CDNF: variants seen among roughly 807,000 people sequenced by gnomAD.
CDNF encodes the protein cerebral dopamine neurotrophic factor.
In CDNF, 9 loss-of-function variants were observed where a neutral mutation model predicts 14.8. That is an observed-to-expected ratio of 0.61 (90% confidence interval 0.37 to 1.06). The LOEUF (loss-of-function observed/expected upper bound fraction) is 1.06, where lower values mean the gene tolerates loss of function less well. Among genes scored for constraint, CDNF ranks in the 50% least tolerant of loss-of-function variants. CDNF has a pLI of 0.01. For missense variants in CDNF, 228 were observed against 228.4 expected (o/e 1.00, Z 0.01); for synonymous variants, 86 against 87.2 (o/e 0.99, Z 0.07).
At chr10:14,835,250 T>A (rs775375022) in intron 1 of CDNF, among the ~76,000 whole-genome samples, 9 of 152,034 alleles carry the variant, frequency 5.9e-5, no homozygotes, top group Non-Finnish European at 1.2e-4. Flanking sequence ...GGAGGTAGGT[T>A]GGTTTGGGTT....
intron 3 of CDNF, among the ~76,000 whole-genome samples, chr10:14,823,052 A>G (rs1162942945): frequency 6.6e-6 from 1 of 152,244 alleles, no homozygotes; most frequent in Non-Finnish European, 1.5e-5. Context: ...TTTTTAAAGT[A>G]GAAACTTGCA....
intron 3 of CDNF, among the ~76,000 whole-genome samples, chr10:14,824,604 T>TCAAA (rs1833764015): frequency 1.3e-5 from 1 of 76,828 alleles, no homozygotes; most frequent in Non-Finnish European, 2.4e-5. Flanking sequence ...AGACTTCCCC[T>TCAAA]CAAAAAAAAA....
intron 3 of CDNF, among the ~76,000 whole-genome samples, chr10:14,824,225 T>G (rs1411867150): frequency 6.6e-6 from 1 of 152,208 alleles, no homozygotes; most frequent in African/African-American, 2.4e-5. Context: ...ACCCACTCAA[T>G]CTACCCAAAT....
chr10:14,837,999 G>C lies in CDNF; in HGVS notation c.-53C>G. 7.4e-7 allele frequency: 1 copy of C among 1,357,114 alleles called. No individual in the cohort carries two copies. Among genetic ancestry groups the C allele is most frequent in the Non-Finnish European group, 1.0e-6 (1 of 976,852 alleles). 84.1% of individuals were successfully genotyped at this position (1,357,114 alleles called of 1,614,324 possible). A position where few individuals can be genotyped will look rare whatever the true frequency, so the allele number is the denominator to read the frequency against. On this transcript the variant is annotated 5_prime_UTR_variant, in exon 1 of 4. Transcript: ENST00000465530. ...GCCACCCGCGCCCACCGCCCACCAAGCTGCCAAAGCGAGCTGAGCAGAATT... is the reference window on the plus strand; with the variant it reads ...GCCACCCGCGCCCACCGCCCACCAACCTGCCAAAGCGAGCTGAGCAGAATT...
rs770033243 is a variant in CDNF at position 14,828,252 on chromosome 10, G to A, written c.136C>T (p.Arg46Ter). The part of the protein sequence containing the change: ...DCEVCKEFLN[R>*]FYKSLIDRGV... ...CTGTCTATCAGTGACTTGTAGAATC[G>A]GTTCAAGAATTCTTTACATACTGGA... Residue 46 changes from arginine to a stop codon, truncating the protein, a stop_gained, in exon 2 of 4, where the codon CGA (arginine) becomes TGA (stop). Coordinates refer to ENST00000465530, the MANE Select transcript of CDNF (RefSeq NM_001029954.3). LOFTEE classifies it high-confidence loss of function. The A allele has an allele frequency of 3.7e-5, 60 of 1,613,362 alleles. No individual in the cohort carries two copies. The Middle Eastern group carries it at 8.3e-4, about 22-fold the overall frequency.
At chr10:14,824,328 G>A (rs986697026) in intron 3 of CDNF, among the ~76,000 whole-genome samples, 3 of 152,048 alleles carry the variant, frequency 2.0e-5, no homozygotes, top group African/African-American at 4.8e-5. Flanking sequence ...TCTCCTGGCC[G>A]GGCATGGTGG....
intron 1 of CDNF, among the ~76,000 whole-genome samples, chr10:14,828,806 A>T (rs979042523): frequency 6.6e-6 from 1 of 151,872 alleles, no homozygotes; most frequent in Non-Finnish European, 1.5e-5. Context: ...AGGAGTTTGG[A>T]GCCAGTCTGG....
intron 1 of CDNF, among the ~76,000 whole-genome samples, chr10:14,832,694 T>G (rs189894790): frequency 6.2e-4 from 95 of 152,150 alleles, no homozygotes; most frequent in African/African-American, 2.1e-3. Flanking sequence ...AAGCCAGATG[T>G]AATGTGTCAG....
Position 14,825,571 on chromosome 10 carries a change from T to G in CDNF, c.293A>C (p.Glu98Ala). The change falls in exon 3 of 4, where the codon GAA becomes GCA. Residue 98 changes from glutamate (E) to alanine (A), a missense_variant. Glu to Ala is a moderately radical substitution (Grantham distance 107). Transcript: ENST00000465530. Reference protein sequence around the residue: ...TKDAATKILSEVTRPMSVHMP... With the variant: ...TKDAATKILSAVTRPMSVHMP... ...ATGCACACTCATTGGGCGAGTGACT[T>G]CACTTAGGATCTTTGTGGCTGCGTC... 1.9e-6 allele frequency: 3 copies of G among 1,614,056 alleles called. No homozygotes were observed. Among genetic ancestry groups the G allele is most frequent in the Non-Finnish European group, 2.5e-6 (3 of 1,179,998 alleles).
chr10:14,836,679 C>G (rs1470393408), intron 1 of CDNF, among the ~76,000 whole-genome samples: 2 of 152,370 alleles, frequency 1.3e-5, no homozygotes, highest in East Asian at 3.9e-4. Flanking sequence ...CGCCTGTAAT[C>G]CCAGCACTTT....
In CDNF at chr10:14,819,888, T is replaced by A; in HGVS notation, c.*92A>T. ...ACAAAAAGCATGAGACCAAATATGATGCATTCCCAGTTATCCTTAATCAAC... is the reference window on the plus strand; with the variant it reads ...ACAAAAAGCATGAGACCAAATATGAAGCATTCCCAGTTATCCTTAATCAAC... On this transcript the variant is annotated 3_prime_UTR_variant, in exon 4 of 4. Coordinates refer to ENST00000465530, the MANE Select transcript of CDNF (RefSeq NM_001029954.3). 8.0e-7 allele frequency: 1 copy of A among 1,253,374 alleles called. No individual in the cohort carries two copies. The highest frequency in any genetic ancestry group is 1.1e-6 in the Non-Finnish European group (1 of 900,924). 77.6% of individuals were successfully genotyped at this position (1,253,374 alleles called of 1,614,324 possible).
At chr10:14,824,446 A>G (rs1833762523) in intron 3 of CDNF, among the ~76,000 whole-genome samples, 1 of 152,046 alleles carries the variant, frequency 6.6e-6, no homozygotes, top group African/African-American at 2.4e-5. Flanking sequence ...TCTCTAATAA[A>G]AATACAAAAA....
At chr10:14,825,317 G>A (rs1226044300) in intron 3 of CDNF, among the ~76,000 whole-genome samples, 162 bp downstream of exon 3, 2 of 152,080 alleles carry the variant, frequency 1.3e-5, no homozygotes, top group Admixed American at 6.6e-5. Context: ...TTCCCTCAAC[G>A]AAACTCAAAT....
Position 14,819,916 on chromosome 10 carries a change from G to T in CDNF, c.*64C>A. ...ATTCCCAGTTATCCTTAATCAACAT[G>T]TCCATATCCTAGAGAGTCACTTTTC... On this transcript the variant is annotated 3_prime_UTR_variant, in exon 4 of 4. Coordinates refer to ENST00000465530, the MANE Select transcript of CDNF (RefSeq NM_001029954.3). 6.9e-7 allele frequency: 1 copy of T among 1,457,824 alleles called. No individual in the cohort carries two copies. Among genetic ancestry groups the T allele is most frequent in the Non-Finnish European group, 9.4e-7 (1 of 1,064,288 alleles). The allele number at this position is 1,457,824 out of a possible 1,614,324, so 90.3% of individuals were successfully genotyped here.
At chr10:14,837,538 G>A (rs988543582) in intron 1 of CDNF, among the ~76,000 whole-genome samples, 3 of 152,228 alleles carry the variant, frequency 2.0e-5, no homozygotes, top group African/African-American at 7.2e-5. Flanking sequence ...TCTGGCGCCA[G>A]TATCATCTGA....
At chr10:14,826,344 AAGCAGAAGC>A (rs1159194756) in intron 2 of CDNF, among the ~76,000 whole-genome samples, 2 of 148,822 alleles carry the variant, frequency 1.3e-5, no homozygotes, top group African/African-American at 5.1e-5. Context: ...GAAGCAGCAG[AAGCAGAAGC>A]AGCAGAAGCA....
chr10:14,826,029 GAGAAGA>G (rs57619992), intron 2 of CDNF, among the ~76,000 whole-genome samples: 7,200 of 85,792 alleles, frequency 0.084, 359 homozygotes, highest in Non-Finnish European at 0.11. Context: ...GAAGAAGAAG[GAGAAGA>G]AGAAGAAGAA....
At chr10:14,825,968 AG>A (rs1419374538) in intron 2 of CDNF, among the ~76,000 whole-genome samples, 1 of 150,804 alleles carries the variant, frequency 6.6e-6, no homozygotes, top group Non-Finnish European at 1.5e-5. Flanking sequence ...AAGAAGAAGA[AG>A]AAAAGAAGAA....
rs1564313252 is a variant in CDNF at position 14,826,025 on chromosome 10, GAAGGAGA to G, written c.244-412_244-406del. Among the ~76,000 whole-genome samples the G allele has an allele frequency of 2.5e-5, 3 of 120,036 alleles. No homozygotes were observed. In the East Asian group the frequency reaches 7.2e-4, roughly 29 times the overall value. The allele number at this position is 120,036 out of a possible 152,430, so 78.7% of individuals were successfully genotyped here. A position where few individuals can be genotyped will look rare whatever the true frequency, so the allele number is the denominator to read the frequency against. On this transcript the variant is annotated intron_variant, in intron 2 of 3. Coordinates refer to ENST00000465530, the MANE Select transcript of CDNF (RefSeq NM_001029954.3). The stretch of plus-strand genomic sequence containing the variant: ...AGAAGAAGCAGAAGCAGAAGAAGAA[GAAGGAGA>G]AGAAGAAGAAGAAGAAGAAGAAGAA...
Sources: gnomAD v4.1 joint callset for allele counts (sites outside exome capture counted in the v4.1 genomes callset) on GRCh38, gnomAD v4.1.1 for gene constraint, MANE v1.5 for transcripts, NCBI Gene and HGNC (gene_info 2026-07-23, HGNC 2026-07-21) for gene names.